Variants in PRKN observed in about 807,000 individuals in gnomAD.
The protein encoded by PRKN is E3 ubiquitin-protein ligase parkin.
In PRKN, 56 loss-of-function variants were observed where a neutral mutation model predicts 59.5. The observed-to-expected ratio is 0.94, with a 90% CI of 0.76 to 1.18. The LOEUF is 1.18. Ranked by LOEUF, PRKN falls within the 50% of genes most tolerant of loss-of-function variation. The pLI, the probability that PRKN is intolerant of heterozygous loss-of-function variation, is 0.00. For synonymous variants in PRKN, 250 were observed against 222.1 expected (o/e 1.13, Z -1.12); for missense variants, 657 against 596.4 (o/e 1.10, Z -1.06).
intron 2 of PRKN, among the ~76,000 whole-genome samples, chr6:162,432,822 T>A (rs1789600842): frequency 6.6e-6 from 1 of 152,188 alleles, no homozygotes; most frequent in Non-Finnish European, 1.5e-5. Flanking sequence ...CTGAAATTAC[T>A]TCATGCCCCT....
chr6:161,854,813 G>C (rs1271341552), intron 6 of PRKN, among the ~76,000 whole-genome samples: 1 of 151,936 alleles, frequency 6.6e-6, no homozygotes, highest in Non-Finnish European at 1.5e-5. Flanking sequence ...GGCCGGGCGC[G>C]GTGGCTCATG....
intron 3 of PRKN, among the ~76,000 whole-genome samples, chr6:162,210,376 GTTGT>G (rs1785155285): frequency 6.6e-6 from 1 of 152,136 alleles, no homozygotes; most frequent in African/African-American, 2.4e-5. Context: ...TTCAGCACAT[GTTGT>G]TTATTTGTAT....
At chr6:162,064,403 T>C (rs1236850035) in intron 4 of PRKN, among the ~76,000 whole-genome samples, 2 of 152,218 alleles carry the variant, frequency 1.3e-5, no homozygotes, top group Non-Finnish European at 2.9e-5. Context: ...AATTGTTCTA[T>C]AATTTAAAAT....
chr6:162,626,550 T>C (rs1031893237), intron 1 of PRKN, among the ~76,000 whole-genome samples: 4 of 152,230 alleles, frequency 2.6e-5, no homozygotes, highest in African/African-American at 9.6e-5. Context: ...GTATGGTGGC[T>C]CAGGCCTGTA....
intron 3 of PRKN, among the ~76,000 whole-genome samples, chr6:162,241,924 C>G (rs551027766): frequency 1.3e-5 from 2 of 152,066 alleles, no homozygotes; most frequent in Non-Finnish European, 2.9e-5. Flanking sequence ...AGCTGAATTT[C>G]CTGGCTTCCC....
rs139535099 is a variant in PRKN, at chr6:161,378,758, G to A, written c.1167+8036C>T. ...GCTGGAGCTGCACTGTGATGTGGGC[G>A]CTATCCTCTAAGGTGAGATTTACAC... On this transcript the variant is annotated intron_variant, in intron 10 of 11. Transcript: ENST00000366898. This position sits in a 1 kb window ranked among gnomAD's most constrained non-coding sequence, Gnocchi z 7.3. 8.2e-4 allele frequency among the ~76,000 whole-genome samples: 125 copies of A among 152,292 alleles called. 2 individuals are homozygous for A. The highest frequency in any genetic ancestry group is 2.9e-3 in the African/African-American group (122 of 41,556).
At chr6:162,435,791 A>G (rs1041496651) in intron 2 of PRKN, among the ~76,000 whole-genome samples, 3 of 152,170 alleles carry the variant, frequency 2.0e-5, no homozygotes, top group East Asian at 3.9e-4. Context: ...TACATGACCA[A>G]TCTCTTACAC....
At position 161,462,580 on chromosome 6, in the gene PRKN, T is replaced by C. The variant is rs893784610; in HGVS notation, c.1084-75703A>G. Among the ~76,000 whole-genome samples the C allele has an allele frequency of 7.2e-5, 11 of 152,102 alleles. No individual in the cohort carries two copies. Among genetic ancestry groups the C allele is most frequent in the African/African-American group, 2.7e-4 (11 of 41,356 alleles). ...ACACCATGATGTCTGATCAGCAATA[T>C]AGCTCACCCTTATTTTAAAAGGTCT... On this transcript the variant is annotated intron_variant, in intron 9 of 11. Coordinates refer to ENST00000366898, the MANE Select transcript of PRKN (RefSeq NM_004562.3). This position sits in a 1 kb window ranked among gnomAD's most constrained non-coding sequence, Gnocchi z 4.5.
intron 5 of PRKN, among the ~76,000 whole-genome samples, chr6:162,010,851 TTA>T (rs1274187834): frequency 1.3e-4 from 1 of 7,830 alleles, no homozygotes; most frequent in African/African-American, 1.4e-3. Context: ...ATACATAATA[TTA>T]ATATATATAA....
chr6:161,710,945 C>T (rs1455848521), intron 7 of PRKN, among the ~76,000 whole-genome samples: 1 of 148,120 alleles, frequency 6.8e-6, no homozygotes, highest in African/African-American at 2.5e-5. Flanking sequence ...TCCTTCCTTC[C>T]CCACTCCCTC....
intron 1 of PRKN, among the ~76,000 whole-genome samples, chr6:162,655,603 T>C (rs1208842618): frequency 6.6e-6 from 1 of 152,140 alleles, no homozygotes; most frequent in African/African-American, 2.4e-5. Context: ...TTGATGGTTT[T>C]AACAGGGAAA....
chr6:162,396,611 C>T (rs1031741833), intron 2 of PRKN, among the ~76,000 whole-genome samples: 9 of 152,116 alleles, frequency 5.9e-5, no homozygotes, highest in Non-Finnish European at 7.4e-5. Context: ...ACTCTGGACC[C>T]GTCGCTTGTG....
At chr6:161,979,750 C>A (rs747595485) in intron 5 of PRKN, among the ~76,000 whole-genome samples, 4 of 152,100 alleles carry the variant, frequency 2.6e-5, no homozygotes, top group Non-Finnish European at 5.9e-5. Flanking sequence ...GAAGCCTGAC[C>A]CTCCAAATCA....
rs1784381316 is a variant in PRKN, at chr6:161,347,601, T to C, written c.*2498A>G. ...ATTCATGTTCATGTGTAGTGGATGATCTTGCTTTTTTGTTTTTGTTTTTTT... is the reference window on the plus strand; with the variant it reads ...ATTCATGTTCATGTGTAGTGGATGACCTTGCTTTTTTGTTTTTGTTTTTTT... On this transcript the variant is annotated 3_prime_UTR_variant, in exon 12 of 12. Coordinates refer to ENST00000366898, the MANE Select transcript of PRKN (RefSeq NM_004562.3). 1 of 150,902 alleles carries C rather than the reference T, an allele frequency of 6.6e-6. No homozygotes were observed. The highest frequency in any genetic ancestry group is 2.4e-5 in the African/African-American group (1 of 40,848). The allele number at this position is 150,902 out of a possible 1,614,324, so 9.3% of individuals were successfully genotyped here.
rs1790102083 is a variant in PRKN, at chr6:161,459,215, C to A, written c.1084-72338G>T. Among the ~76,000 whole-genome samples the A allele has an allele frequency of 6.6e-6, 1 of 152,210 alleles. No individual in the cohort carries two copies. The highest frequency in any genetic ancestry group is 2.1e-4 in the South Asian group (1 of 4,834). On this transcript the variant is annotated intron_variant, in intron 9 of 11. Coordinates refer to ENST00000366898, the MANE Select transcript of PRKN (RefSeq NM_004562.3). This position sits in a 1 kb window ranked among gnomAD's most constrained non-coding sequence, Gnocchi z 4.8. ...TCTCCAGGTTAATTACAGTGGAAAC[C>A]TGATCGAACTTGACAGTCAGTGTGT...
At position 162,093,386 on chromosome 6, in the gene PRKN, C is replaced by T. The variant is rs1583021782; in HGVS notation, c.535-39212G>A. 2.6e-5 allele frequency among the ~76,000 whole-genome samples: 4 copies of T among 152,282 alleles called. No homozygotes were observed. The South Asian group carries it at 6.2e-4, about 24-fold the overall frequency. On this transcript the variant is annotated intron_variant, in intron 4 of 11. Transcript: ENST00000366898. ...GGAAACCCAGAGGCGGCAGTTCCTG[C>T]ACTTTCTTCTCCTGTAGTTATTAAC... is the stretch of plus-strand genomic sequence containing the variant.
At chr6:162,206,502 C>T (rs2128332839) in intron 3 of PRKN, among the ~76,000 whole-genome samples, 1 of 152,306 alleles carries the variant, frequency 6.6e-6, no homozygotes, top group East Asian at 1.9e-4. Context: ...CCTCTTTCCT[C>T]CTTCTGACTA....
intron 9 of PRKN, among the ~76,000 whole-genome samples, chr6:161,406,004 G>A (rs533335010): frequency 6.6e-6 from 1 of 152,188 alleles, no homozygotes; most frequent in Admixed American, 6.5e-5. Flanking sequence ...ACCTCCTTAA[G>A]AGCACTGGGA....
chr6:161,853,145 G>A (rs1221507143), intron 6 of PRKN, among the ~76,000 whole-genome samples: 1 of 152,184 alleles, frequency 6.6e-6, no homozygotes, highest in Non-Finnish European at 1.5e-5. Flanking sequence ...GCAGGTGGAG[G>A]TTATAAATTT....
Sources: gnomAD v4.1 joint callset for allele counts (sites outside exome capture counted in the v4.1 genomes callset) on GRCh38, gnomAD v4.1.1 for gene constraint, Gnocchi (gnomAD v3.1) non-coding constraint, MANE v1.5 for transcripts, NCBI Gene and HGNC (gene_info 2026-07-23, HGNC 2026-07-21) for gene names.